The following PARD6G variants were observed in gnomAD, a reference collection of about 807,000 sequenced individuals.
The protein encoded by PARD6G is partitioning defective 6 homolog gamma.
A neutral mutation model predicts 10.7 loss-of-function variants in PARD6G; 7 were observed. That is an observed-to-expected ratio of 0.66 (90% CI 0.37 to 1.23). The LOEUF is 1.23. Ranked by LOEUF, PARD6G falls within the 50% of genes most tolerant of loss-of-function variation. PARD6G has a pLI of 0.02. For missense variants in PARD6G, 548 were observed against 571.8 expected (o/e 0.96, Z 0.42); for synonymous variants, 287 against 269.4 (o/e 1.07, Z -0.64).
chr18:80,223,186 A>G (rs1296853170), intron 1 of PARD6G, among the ~76,000 whole-genome samples: 2 of 152,232 alleles, frequency 1.3e-5, no homozygotes, highest in African/African-American at 2.4e-5. Flanking sequence ...ATAGAATTAA[A>G]TTATCATTAC....
chr18:80,238,583 T>C (rs1296268172), intron 1 of PARD6G, among the ~76,000 whole-genome samples: 1 of 152,004 alleles, frequency 6.6e-6, no homozygotes, highest in Non-Finnish European at 1.5e-5. Context: ...CTAATAGTGG[T>C]TACCTCGGGG....
chr18:80,174,671 T>C (rs2052797244), intron 2 of PARD6G, among the ~76,000 whole-genome samples: 1 of 152,084 alleles, frequency 6.6e-6, no homozygotes, highest in Non-Finnish European at 1.5e-5. Context: ...ATGTTCATTG[T>C]AGGCTGGGTG....
intron 2 of PARD6G, among the ~76,000 whole-genome samples, chr18:80,196,218 A>G (rs1245436872): frequency 6.6e-6 from 1 of 152,236 alleles, no homozygotes; most frequent in Non-Finnish European, 1.5e-5. Flanking sequence ...GTGGTAGGTT[A>G]AAATAATTGC....
chr18:80,174,438 G>A (rs1187898718), intron 2 of PARD6G, among the ~76,000 whole-genome samples: 3 of 152,040 alleles, frequency 2.0e-5, no homozygotes, highest in Non-Finnish European at 4.4e-5. Flanking sequence ...AAAGTGCTGG[G>A]ATTACAGGCA....
Position 80,247,308 on chromosome 18 carries a change from T to C in PARD6G, c.41A>G (p.Tyr14Cys). ...SFHKSQTLRF[Y>C]DCSAVEVKSK... ...CTTGACTTCCACTGCGCTGCAATCG[T>C]AGAATCGCAAGGTCTGAGACTTGTG... Residue 14 changes from tyrosine to cysteine, a missense_variant, in exon 1 of 3, where the codon TAC becomes TGC. Tyr to Cys is a radical substitution (Grantham distance 194, BLOSUM62 -2). Transcript: ENST00000353265. This position sits in a 1 kb window ranked among gnomAD's most constrained non-coding sequence, Gnocchi z 4.2. The C allele has an allele frequency of 1.3e-6, 2 of 1,584,780 alleles. No homozygotes were observed. Among genetic ancestry groups the C allele is most frequent in the Non-Finnish European group, 8.6e-7 (1 of 1,166,412 alleles).
intron 1 of PARD6G, among the ~76,000 whole-genome samples, chr18:80,226,151 G>GTTTTTTTGTTTTTTT (rs1967286184): frequency 1.3e-5 from 1 of 76,570 alleles, no homozygotes; most frequent in Non-Finnish European, 2.4e-5. Flanking sequence ...AATGACTTCA[G>GTTTTTTTGTTTTTTT]TTTTTTTTTT....
intron 2 of PARD6G, among the ~76,000 whole-genome samples, chr18:80,194,955 C>A (rs1236697339): frequency 6.6e-6 from 1 of 152,138 alleles, no homozygotes; most frequent in East Asian, 1.9e-4. Context: ...AGCAGCGCCA[C>A]TGTTGCGTCT....
intron 1 of PARD6G, among the ~76,000 whole-genome samples, chr18:80,229,591 A>G (rs549221345): frequency 4.6e-5 from 7 of 152,230 alleles, no homozygotes; most frequent in Admixed American, 2.0e-4. Context: ...CTGCACTCTC[A>G]TGGGAGTCAG....
At chr18:80,166,583 T>C (rs2052737649) in intron 2 of PARD6G, among the ~76,000 whole-genome samples, 1 of 150,158 alleles carries the variant, frequency 6.7e-6, no homozygotes, top group Non-Finnish European at 1.5e-5. Context: ...GCAGCTTTTT[T>C]ACAGCAGCAT....
intron 1 of PARD6G, among the ~76,000 whole-genome samples, chr18:80,203,546 T>G (rs1345927767): frequency 2.0e-5 from 3 of 152,106 alleles, no homozygotes; most frequent in African/African-American, 7.2e-5. Context: ...TAGCTCATGT[T>G]GTAGGAAAAA....
At chr18:80,241,855 AG>A (rs1291745508) in intron 1 of PARD6G, among the ~76,000 whole-genome samples, 1 of 152,164 alleles carries the variant, frequency 6.6e-6, no homozygotes, top group East Asian at 1.9e-4. Flanking sequence ...CTGCCTCTAA[AG>A]GTCATGGAGA....
chr18:80,214,057 G>A (rs899405723), intron 1 of PARD6G, among the ~76,000 whole-genome samples: 3 of 152,012 alleles, frequency 2.0e-5, no homozygotes, highest in African/African-American at 7.3e-5. Context: ...AACTGTCCAT[G>A]AGGGGGCCCA....
chr18:80,208,304 T>C (rs1967074583), intron 1 of PARD6G, among the ~76,000 whole-genome samples: 2 of 152,118 alleles, frequency 1.3e-5, no homozygotes, highest in African/African-American at 4.8e-5. Flanking sequence ...ATAGTGGTAG[T>C]TTTTCAAAAT....
intron 1 of PARD6G, among the ~76,000 whole-genome samples, chr18:80,225,523 A>C (rs1967280548): frequency 1.3e-5 from 2 of 152,194 alleles, no homozygotes; most frequent in Admixed American, 6.5e-5. Flanking sequence ...ACTCTCTGCC[A>C]CAGTGCTGGC....
rs943410326 is a variant in PARD6G at position 80,175,465 on chromosome 18, C to T, written c.296-14859G>A. On this transcript the variant is annotated intron_variant, in intron 2 of 2. Transcript: ENST00000353265. The surrounding 1 kb of genome is among the most constrained non-coding windows in gnomAD (Gnocchi z 6.7). ...TCTCTGGTGCCTCCTCCTCTGCTTA[C>T]GACACAGTCTGATTAGGTCAGGGCT... Among the ~76,000 whole-genome samples the T allele has an allele frequency of 6.6e-6, 1 of 152,168 alleles. No homozygotes were observed. The highest frequency in any genetic ancestry group is 1.5e-5 in the Non-Finnish European group (1 of 68,032).
intron 1 of PARD6G, among the ~76,000 whole-genome samples, chr18:80,237,614 T>G (rs1599878295): frequency 1.3e-5 from 2 of 152,184 alleles, no homozygotes; most frequent in Non-Finnish European, 2.9e-5. Flanking sequence ...GACAAAGGGC[T>G]AATATCCAGA....
chr18:80,188,448 C>G lies in PARD6G; in HGVS notation c.295+14262G>C, dbSNP rs1040068532. Among the ~76,000 whole-genome samples the G allele has an allele frequency of 1.3e-5, 2 of 152,204 alleles. No homozygotes were observed. Among genetic ancestry groups the G allele is most frequent in the African/African-American group, 4.8e-5 (2 of 41,440 alleles). On this transcript the variant is annotated intron_variant, in intron 2 of 2. Transcript: ENST00000353265. This position sits in a 1 kb window ranked among gnomAD's most constrained non-coding sequence, Gnocchi z 5.4. ...AGGCACCTCCTCATGGTGCCTTCCA[C>G]CTGCAATTCCCGTCCTGGGCAGCAG...
At chr18:80,179,394 G>A (rs925383980) in intron 2 of PARD6G, among the ~76,000 whole-genome samples, 1 of 152,122 alleles carries the variant, frequency 6.6e-6, no homozygotes, top group African/African-American at 2.4e-5. Flanking sequence ...GCAGCAACAT[G>A]CCCTCCCGCC....
rs1966910463 is a variant in PARD6G at position 80,192,749 on chromosome 18, T to A, written c.295+9961A>T. On this transcript the variant is annotated intron_variant, in intron 2 of 2. Coordinates refer to ENST00000353265, the MANE Select transcript of PARD6G (RefSeq NM_032510.4). This position sits in a 1 kb window ranked among gnomAD's most constrained non-coding sequence, Gnocchi z 4.9. ...TGGCCTGGAGATGAGGGTCAACCAG[T>A]CCCAAATCTCCACTGTTCATTATCT... Among the ~76,000 whole-genome samples the A allele has an allele frequency of 6.6e-6, 1 of 152,052 alleles. No individual in the cohort carries two copies.
Sources: allele counts gnomAD v4.1 joint callset (sites outside exome capture counted in the v4.1 genomes callset), GRCh38; gene constraint gnomAD v4.1.1; non-coding constraint Gnocchi (gnomAD v3.1); transcripts MANE v1.5; gene names NCBI Gene and HGNC (gene_info 2026-07-23, HGNC 2026-07-21).